ZNF540: variants seen among roughly 807,000 people sequenced by gnomAD.
ZNF540 encodes the protein CTD-3064H18.6.
ZNF540 carries 3 observed loss-of-function variants against 11.8 expected under a neutral mutation model. That is an observed-to-expected ratio of 0.25 (90% CI 0.12 to 0.65). ZNF540 has a LOEUF of 0.65. ZNF540 is among the 30% of genes least tolerant of loss of function. The probability of loss-of-function intolerance (pLI) is 0.83; values close to 1 mark genes in which losing one functional copy is unlikely to be tolerated. For missense variants in ZNF540, 709 were observed against 793.1 expected (o/e 0.89, Z 1.27); for synonymous variants, 247 against 259.0 (o/e 0.95, Z 0.45).
At chr19:37,605,053 G>A (rs545094784) in intron 4 of ZNF540, among the ~76,000 whole-genome samples, 23 of 152,162 alleles carry the variant, frequency 1.5e-4, no homozygotes, top group African/African-American at 3.9e-4. Context: ...CTAGTCTTTC[G>A]CAGGCATGAA....
At chr19:37,593,466 G>T (rs935176240), upstream of ZNF540, among the ~76,000 whole-genome samples, 1 of 152,198 alleles carries the variant, frequency 6.6e-6, no homozygotes, top group East Asian at 1.9e-4. Flanking sequence ...CACTCTGGGA[G>T]GCCCAGGCGG....
upstream of ZNF540, chr19:37,594,381 C>A (rs1208327615): frequency 6.6e-6 from 1 of 152,350 alleles, no homozygotes; most frequent in South Asian, 2.1e-4. Context: ...CACACGCACA[C>A]GTCCAGGGCG....
intron 1 of ZNF540, among the ~76,000 whole-genome samples, chr19:37,588,234 A>G (rs1167228795): frequency 7.2e-5 from 11 of 152,090 alleles, no homozygotes; most frequent in Admixed American, 7.2e-4. Context: ...GACCCCAATA[A>G]AAGTACAAGT....
At chr19:37,565,660 A>G (rs776094124) in intron 1 of ZNF540, 2 of 1,613,314 alleles carry the variant, frequency 1.2e-6, no homozygotes, top group South Asian at 2.2e-5. Context: ...AGGCTTTTCC[A>G]CATTTCTTAC....
At position 37,613,269 on chromosome 19, in the gene ZNF540, G is replaced by A. The variant is rs770876720; in HGVS notation, c.*6G>A. 6.8e-7 allele frequency: 1 copy of A among 1,471,484 alleles called. No homozygotes were observed. Among genetic ancestry groups the A allele is most frequent in the Non-Finnish European group, 9.0e-7 (1 of 1,108,364 alleles). The allele number at this position is 1,471,484 out of a possible 1,614,324, so 91.2% of individuals were successfully genotyped here. ...AAACTCATAATGTAATTTAATATAA[G>A]AAAAGGTTTCCATGTCATGCTCTAT... On this transcript the variant is annotated 3_prime_UTR_variant, in exon 5 of 5. Transcript: ENST00000316433.
chr19:37,603,720 T>C (rs1010623353), intron 4 of ZNF540, among the ~76,000 whole-genome samples: 2 of 152,220 alleles, frequency 1.3e-5, no homozygotes, highest in African/African-American at 4.8e-5. Flanking sequence ...GATTTAGTCA[T>C]TTCACAATGT....
At chr19:37,571,478 A>C (rs1019453767) in intron 1 of ZNF540, among the ~76,000 whole-genome samples, 1 of 152,182 alleles carries the variant, frequency 6.6e-6, no homozygotes, top group Non-Finnish European at 1.5e-5. Flanking sequence ...CCTGGGTGAG[A>C]GAGCGAGACT....
intron 4 of ZNF540, among the ~76,000 whole-genome samples, chr19:37,609,063 T>C (rs986616887): frequency 6.6e-6 from 1 of 152,230 alleles, no homozygotes; most frequent in Non-Finnish European, 1.5e-5. Flanking sequence ...CTTCATACTA[T>C]TCAGTTACTC....
intron 1 of ZNF540, chr19:37,555,257 A>G (rs964096110): frequency 6.6e-6 from 1 of 152,296 alleles, no homozygotes; most frequent in Non-Finnish European, 1.5e-5. Flanking sequence ...GAAAAGGGAG[A>G]GTCTAAAAAC....
chr19:37,566,172 G>A, intron 1 of ZNF540: 1 of 1,613,992 alleles, frequency 6.2e-7, no homozygotes, highest in African/African-American at 1.3e-5. Context: ...TTGTCTCCAA[G>A]ACCATTGTAT....
chr19:37,578,906 C>A (rs1719506891), intron 1 of ZNF540, among the ~76,000 whole-genome samples: 1 of 152,206 alleles, frequency 6.6e-6, no homozygotes, highest in African/African-American at 2.4e-5. Context: ...CTTGGCACCT[C>A]TGTATGCCCT....
In ZNF540 at chr19:37,612,267, TA is replaced by T; in HGVS notation, c.989del (p.Lys330ArgfsTer23). The T allele has an allele frequency of 6.2e-7, 1 of 1,614,012 alleles. No homozygotes were observed. The highest frequency in any genetic ancestry group is 8.5e-7 in the Non-Finnish European group (1 of 1,180,014). Reference sequence around the variant, plus strand: ...ATACAGGTAAGAAACCCTATGAATGTAAGGAGTGTGGGAAAGCTTTTAGTGT... The same window carrying T: ...ATACAGGTAAGAAACCCTATGAATGTAGGAGTGTGGGAAAGCTTTTAGTGT... ...IHTGKKPYEC[K>X]ECGKAFSVCG... On this transcript the variant is annotated frameshift_variant, in exon 5 of 5. Transcript: ENST00000316433. LOFTEE classifies it low-confidence loss of function (END_TRUNC).
chr19:37,577,542 T>G (rs1600498655), intron 1 of ZNF540, among the ~76,000 whole-genome samples: 1 of 152,192 alleles, frequency 6.6e-6, no homozygotes, highest in Non-Finnish European at 1.5e-5. Flanking sequence ...CCTTTATACC[T>G]TTTATGTAAT....
intron 1 of ZNF540, chr19:37,565,281 T>C (rs765132300): frequency 1.9e-6 from 3 of 1,611,330 alleles, no homozygotes; most frequent in South Asian, 1.1e-5. Context: ...GAATGAACTC[T>C]CAGGTGGTAA....
Position 37,613,904 on chromosome 19 carries a change from T to G in ZNF540, c.*641T>G. The G allele has an allele frequency of 2.5e-6, 1 of 398,548 alleles. No individual in the cohort carries two copies. Among genetic ancestry groups the G allele is most frequent in the South Asian group, 1.3e-4 (1 of 7,844 alleles). The allele number at this position is 398,548 out of a possible 1,614,324, so 24.7% of individuals were successfully genotyped here. A position where few individuals can be genotyped will look rare whatever the true frequency, so the allele number is the denominator to read the frequency against. On this transcript the variant is annotated 3_prime_UTR_variant, in exon 5 of 5. Transcript: ENST00000316433. ...TTAGGTCATGAGGGTGGAGCCTTCA[T>G]GAGTGGAATTACTGCCTTTATAAGA...
At chr19:37,564,502 A>G in intron 1 of ZNF540, 1 of 1,192,262 alleles carries the variant, frequency 8.4e-7, no homozygotes, top group Non-Finnish European at 1.1e-6. Flanking sequence ...CCTTCTAAGA[A>G]TGAGCAGATT....
At chr19:37,555,792 T>G in intron 1 of ZNF540, 1 of 636,250 alleles carries the variant, frequency 1.6e-6, no homozygotes, top group East Asian at 2.7e-5. Context: ...TCCCATGACA[T>G]GCCATAATAC....
At chr19:37,573,118 A>G (rs2043122817) in intron 1 of ZNF540, among the ~76,000 whole-genome samples, 1 of 150,080 alleles carries the variant, frequency 6.7e-6, no homozygotes, top group South Asian at 2.1e-4. Context: ...AGCTAATGCC[A>G]CCAACCTCTT....
chr19:37,579,446 G>GC (rs1424810791), intron 1 of ZNF540, among the ~76,000 whole-genome samples: 7 of 152,248 alleles, frequency 4.6e-5, no homozygotes, highest in Admixed American at 2.0e-4. Context: ...ACAGGAAGCA[G>GC]CAGTACTGTG....
Sources: allele counts gnomAD v4.1 joint callset (sites outside exome capture counted in the v4.1 genomes callset), GRCh38; gene constraint gnomAD v4.1.1; transcripts MANE v1.5; gene names NCBI Gene and HGNC (gene_info 2026-07-23, HGNC 2026-07-21).